CNBD1: variants seen among roughly 807,000 people sequenced by gnomAD.
The protein encoded by CNBD1 is cyclic nucleotide binding domain containing 1.
Under a neutral mutation model 54.4 loss-of-function variants are expected in CNBD1, and 71 were observed. That is an observed-to-expected ratio of 1.30 (90% CI 1.08 to 1.59). The LOEUF (loss-of-function observed/expected upper bound fraction) is 1.59. Among genes scored for constraint, CNBD1 ranks in the 40% most tolerant of loss-of-function variants. The probability of loss-of-function intolerance (pLI) is 0.00; values close to 1 mark genes in which losing one functional copy is unlikely to be tolerated. For synonymous variants in CNBD1, 182 were observed against 170.7 expected, an observed-to-expected ratio of 1.07 and a Z score of -0.51; for missense variants, 659 against 518.0, an observed-to-expected ratio of 1.27 and a Z score of -2.64.
rs187518440 is a variant in CNBD1, at chr8:87,225,044, T to C, written c.578-11875T>C. Among the ~76,000 whole-genome samples the C allele has an allele frequency of 3.3e-5, 5 of 151,900 alleles. No homozygotes were observed. The East Asian group carries it at 9.8e-4, about 30-fold the overall frequency. ...TTCACTCGTGATTTGGCTCTCTGTT[T>C]GTCTGTTGTTGGTGTATAGGAATGC... is the stretch of plus-strand genomic sequence containing the variant. On this transcript the variant is annotated intron_variant, in intron 5 of 10. Coordinates refer to ENST00000518476, the MANE Select transcript of CNBD1 (RefSeq NM_173538.3).
rs141796185 is a variant in CNBD1, at chr8:86,870,250, G to A, written c.88+3667G>A. Among the ~76,000 whole-genome samples the A allele has an allele frequency of 8.4e-3, 1,197 of 141,978 alleles. 13 individuals carry two copies. The highest frequency in any genetic ancestry group is 0.025 in the African/African-American group (947 of 38,068). The allele number at this position is 141,978 out of a possible 152,430, so 93.1% of individuals were successfully genotyped here. A position where few individuals can be genotyped will look rare whatever the true frequency, so the allele number is the denominator to read the frequency against. ...GTCGCCCAGGCTGGAGTGCAGTGGC[G>A]TGATTTCATTTCACTGCAAACTCTG... is the stretch of plus-strand genomic sequence containing the variant. On this transcript the variant is annotated intron_variant, in intron 1 of 10. Transcript: ENST00000518476.
At chr8:86,886,734 C>T (rs1317817071) in intron 1 of CNBD1, among the ~76,000 whole-genome samples, 2 of 151,990 alleles carry the variant, frequency 1.3e-5, no homozygotes, top group Non-Finnish European at 2.9e-5. Context: ...TACATTAAAC[C>T]ACTGATTTTC....
rs1442065069 is a variant in CNBD1, at chr8:87,351,678, T to C, written c.1043-7T>C. ...TGTGTGAAATGAACTATCTCTCTTC[T>C]TTTCAGTGATAGTGGAAAGTGGAAA... On this transcript the variant is annotated splice_region_variant and splice_polypyrimidine_tract_variant and intron_variant, in intron 8 of 10. Coordinates refer to ENST00000518476, the MANE Select transcript of CNBD1 (RefSeq NM_173538.3). The C allele has an allele frequency of 8.7e-6, 13 of 1,489,792 alleles. No homozygotes were observed. The East Asian group carries it at 1.3e-4, about 15-fold the overall frequency. 92.3% of individuals were successfully genotyped at this position (1,489,792 alleles called of 1,614,324 possible). A position where few individuals can be genotyped will look rare whatever the true frequency, so the allele number is the denominator to read the frequency against.
At chr8:86,942,408 G>T (rs969194073) in intron 4 of CNBD1, among the ~76,000 whole-genome samples, 1 of 152,130 alleles carries the variant, frequency 6.6e-6, no homozygotes, top group Non-Finnish European at 1.5e-5. Context: ...GTGTCCACTG[G>T]GCTGTGACCA....
At chr8:86,990,491 A>G (rs112428710) in intron 4 of CNBD1, among the ~76,000 whole-genome samples, 1,921 of 152,256 alleles carry the variant, frequency 0.013, 30 homozygotes, top group African/African-American at 0.037. Context: ...ATAAAAAATG[A>G]GTTCAGTGTA....
rs534204648 is a variant in CNBD1 at position 87,375,545 on chromosome 8, T to TA, written c.1304-7074dup. Among the ~76,000 whole-genome samples, 412 of 151,964 alleles carry TA rather than the reference T, an allele frequency of 2.7e-3. 3 individuals are homozygous for TA. Among genetic ancestry groups the TA allele is most frequent in the African/African-American group, 8.6e-3 (358 of 41,516 alleles). On this transcript the variant is annotated intron_variant, in intron 10 of 10. Transcript: ENST00000518476. The stretch of plus-strand genomic sequence containing the variant: ...AGCCATAGCATTCCTTATAAGTTTT[T>TA]ATATATAGTTTAGGTATCACACAGA...
At chr8:87,422,864 C>A (rs1807965917) in intron 2 of CNBD1, among the ~76,000 whole-genome samples, 1 of 152,102 alleles carries the variant, frequency 6.6e-6, no homozygotes, top group Admixed American at 6.5e-5. Flanking sequence ...TTACCTTGGG[C>A]AGTATGGCCA....
chr8:86,868,857 A>G (rs935033075), intron 1 of CNBD1, among the ~76,000 whole-genome samples: 1 of 151,906 alleles, frequency 6.6e-6, no homozygotes, highest in African/African-American at 2.4e-5. Context: ...AAAGCAGCTA[A>G]TTGGCTCCAC....
intron 4 of CNBD1, among the ~76,000 whole-genome samples, chr8:87,080,495 C>T (rs573891246): frequency 4.6e-4 from 70 of 151,532 alleles, no homozygotes; most frequent in African/African-American, 1.6e-3. Flanking sequence ...CACTTGAACC[C>T]GGGAGGTGGA....
chr8:86,970,043 A>G lies in CNBD1; in HGVS notation c.431+30289A>G, dbSNP rs372175890. Among the ~76,000 whole-genome samples, 5 of 151,328 alleles carry G rather than the reference A, an allele frequency of 3.3e-5. No homozygotes were observed. In the East Asian group the frequency reaches 7.8e-4, roughly 23 times the overall value. ...CAGAAAATGCCTTTATTTTCTTTTC[A>G]TTCTTGAATGTTTTTGCTGAATATA... On this transcript the variant is annotated intron_variant, in intron 4 of 10. Coordinates refer to ENST00000518476, the MANE Select transcript of CNBD1 (RefSeq NM_173538.3).
chr8:87,269,696 C>G (rs1314721424), intron 6 of CNBD1, among the ~76,000 whole-genome samples: 1 of 152,012 alleles, frequency 6.6e-6, no homozygotes, highest in Non-Finnish European at 1.5e-5. Context: ...AATGGAATTG[C>G]TTTCCCCAGA....
intron 5 of CNBD1, among the ~76,000 whole-genome samples, chr8:87,212,926 A>G (rs1290878745): frequency 6.6e-6 from 1 of 152,184 alleles, no homozygotes; most frequent in African/African-American, 2.4e-5. Context: ...AGCCCTTGAA[A>G]TGGAACACAG....
intron 4 of CNBD1, among the ~76,000 whole-genome samples, chr8:87,042,354 C>T (rs1002880278): frequency 1.3e-5 from 2 of 152,122 alleles, no homozygotes; most frequent in African/African-American, 2.4e-5. Flanking sequence ...GTTAAAACCA[C>T]GGTCTTGAAA....
rs1269539470 is a variant in CNBD1 at position 87,325,503 on chromosome 8, T to A, written c.1043-26182T>A. Among the ~76,000 whole-genome samples, 3 of 101,554 alleles carry A rather than the reference T, an allele frequency of 3.0e-5. No homozygotes were observed. The East Asian group carries it at 6.6e-4, about 22-fold the overall frequency. The allele number at this position is 101,554 out of a possible 152,430, so 66.6% of individuals were successfully genotyped here. A position where few individuals can be genotyped will look rare whatever the true frequency, so the allele number is the denominator to read the frequency against. The stretch of plus-strand genomic sequence containing the variant: ...TGGGTGCTCCTGTATTGGGTGCATA[T>A]ATATTTAGGATAGTTAGCTCCTCTT... On this transcript the variant is annotated intron_variant, in intron 8 of 10. Transcript: ENST00000518476.
At chr8:87,365,667 C>A (rs998053879) in intron 10 of CNBD1, among the ~76,000 whole-genome samples, 3 of 151,996 alleles carry the variant, frequency 2.0e-5, no homozygotes, top group Non-Finnish European at 2.9e-5. Flanking sequence ...AATAATCTCA[C>A]ACAATTTTGA....
At chr8:87,302,839 G>C (rs1020622699) in intron 8 of CNBD1, among the ~76,000 whole-genome samples, 1 of 151,822 alleles carries the variant, frequency 6.6e-6, no homozygotes. Context: ...TTATACACCA[G>C]CAACAGACAA....
At chr8:87,176,081 G>T (rs1333706101) in intron 4 of CNBD1, among the ~76,000 whole-genome samples, 3 of 152,206 alleles carry the variant, frequency 2.0e-5, no homozygotes, top group Non-Finnish European at 4.4e-5. Context: ...ACCGCTGCAG[G>T]GGCAGGGTGG....
At chr8:87,385,406 G>T (rs1159792683), downstream of CNBD1, among the ~76,000 whole-genome samples, 2 of 152,036 alleles carry the variant, frequency 1.3e-5, no homozygotes, top group African/African-American at 4.8e-5. Context: ...GGAAAATCGG[G>T]TCACTGCCAC....
chr8:87,208,132 G>C (rs1227746239), intron 5 of CNBD1, among the ~76,000 whole-genome samples: 1 of 152,048 alleles, frequency 6.6e-6, no homozygotes, highest in Non-Finnish European at 1.5e-5. Context: ...TCAATCTGCT[G>C]CTGGGGCTTC....
Sources: allele counts gnomAD v4.1 joint callset (sites outside exome capture counted in the v4.1 genomes callset), GRCh38; gene constraint gnomAD v4.1.1; transcripts MANE v1.5; gene names NCBI Gene and HGNC (gene_info 2026-07-23, HGNC 2026-07-21).